The following CNTN4 variants were observed in gnomAD, a reference collection of about 807,000 sequenced individuals.
CNTN4 encodes the protein contactin 4.
A neutral mutation model predicts 122.5 loss-of-function variants in CNTN4; 77 were observed. The observed-to-expected ratio is 0.63, with a 90% CI of 0.52 to 0.76. CNTN4 has a LOEUF of 0.76. Among genes scored for constraint, CNTN4 ranks in the 30% least tolerant of loss-of-function variants. The pLI, the probability that CNTN4 is intolerant of heterozygous loss-of-function variation, is 0.00. For synonymous variants in CNTN4, 512 were observed against 447.0 expected, an observed-to-expected ratio of 1.15 and a Z score of -1.83; for missense variants, 1,256 against 1,259.1, an observed-to-expected ratio of 1.00 and a Z score of 0.04.
chr3:2,469,996 G>A (rs140657757), intron 3 of CNTN4, among the ~76,000 whole-genome samples: 1,701 of 152,012 alleles, frequency 0.011, 41 homozygotes, highest in African/African-American at 0.039. Context: ...GCTAATATAA[G>A]TATATACCAT....
intron 6 of CNTN4, among the ~76,000 whole-genome samples, chr3:2,797,016 A>G (rs756762161): frequency 6.6e-6 from 1 of 152,034 alleles, no homozygotes; most frequent in African/African-American, 2.4e-5. Flanking sequence ...TGTTGTTTTC[A>G]TAGAGATAGA....
chr3:2,312,204 G>T (rs2042940925), intron 2 of CNTN4, among the ~76,000 whole-genome samples: 1 of 152,002 alleles, frequency 6.6e-6, no homozygotes, highest in South Asian at 2.1e-4. Flanking sequence ...CAAACATATT[G>T]CTATGACCAG....
intron 2 of CNTN4, among the ~76,000 whole-genome samples, chr3:2,263,204 T>TA (rs1360828717): frequency 2.6e-5 from 4 of 152,170 alleles, no homozygotes; most frequent in Non-Finnish European, 4.4e-5. Context: ...TCCTATATTT[T>TA]AAAACACTGT....
chr3:2,192,359 G>A (rs2037615684), intron 2 of CNTN4, among the ~76,000 whole-genome samples: 1 of 152,002 alleles, frequency 6.6e-6, no homozygotes, highest in African/African-American at 2.4e-5. Context: ...GTGTAAAAGT[G>A]TTCCTATTTC....
At chr3:2,142,839 TGA>T (rs2125347611) in intron 2 of CNTN4, among the ~76,000 whole-genome samples, 1 of 152,328 alleles carries the variant, frequency 6.6e-6, no homozygotes, top group East Asian at 1.9e-4. Flanking sequence ...TGTGAGATCT[TGA>T]GAGAGAATTA....
chr3:2,420,961 C>T (rs2047593584), intron 3 of CNTN4, among the ~76,000 whole-genome samples: 1 of 152,168 alleles, frequency 6.6e-6, no homozygotes, highest in Non-Finnish European at 1.5e-5. Context: ...GTTCAGGACC[C>T]AGCAGTTGCA....
chr3:2,205,125 T>C (rs1052452365), intron 2 of CNTN4, among the ~76,000 whole-genome samples: 1 of 151,796 alleles, frequency 6.6e-6, no homozygotes, highest in Non-Finnish European at 1.5e-5. Flanking sequence ...ATTTTTGTAT[T>C]GCTTTTTATT....
Position 2,925,888 on chromosome 3 carries a change from A to G in CNTN4, c.1358+109A>G, listed in dbSNP as rs2094468999. 6.6e-6 allele frequency: 6 copies of G among 914,656 alleles called. No homozygotes were observed. In the South Asian group the frequency reaches 8.6e-5, roughly 13 times the overall value. 56.7% of individuals were successfully genotyped at this position (914,656 alleles called of 1,614,324 possible). A position where few individuals can be genotyped will look rare whatever the true frequency, so the allele number is the denominator to read the frequency against. ...GGTGACTATCTGCTGTTCCTGAACTAAGTGTTAAAAAAAGAACAGAAGCTT... is the reference window on the plus strand; with the variant it reads ...GGTGACTATCTGCTGTTCCTGAACTGAGTGTTAAAAAAAGAACAGAAGCTT... On this transcript the variant is annotated intron_variant, in intron 13 of 24. Transcript: ENST00000418658.
Position 2,148,597 on chromosome 3 carries a change from G to T in CNTN4, c.-145+47958G>T, listed in dbSNP as rs372160968. Reference sequence around the variant, plus strand: ...TCTAACTGTAATTTTCTAACTTCTGGTTTTAAATATACACTGTTTCTTGGG... The same window carrying T: ...TCTAACTGTAATTTTCTAACTTCTGTTTTTAAATATACACTGTTTCTTGGG... On this transcript the variant is annotated intron_variant, in intron 2 of 24. Coordinates refer to ENST00000418658, the MANE Select transcript of CNTN4 (RefSeq NM_175607.3). Among the ~76,000 whole-genome samples, 44 of 152,166 alleles carry T rather than the reference G, an allele frequency of 2.9e-4. No individual in the cohort carries two copies. The East Asian group carries it at 3.3e-3, about 11-fold the overall frequency.
At chr3:2,690,630 G>C (rs551856845) in intron 4 of CNTN4, among the ~76,000 whole-genome samples, 102 of 152,206 alleles carry the variant, frequency 6.7e-4, no homozygotes, top group African/African-American at 2.2e-3. Context: ...AAGCTTGTCT[G>C]CCTTACCTCC....
At chr3:2,767,621 T>C (rs972743343) in intron 6 of CNTN4, among the ~76,000 whole-genome samples, 17 of 152,196 alleles carry the variant, frequency 1.1e-4, no homozygotes, top group African/African-American at 4.1e-4. Context: ...GAATACCTCA[T>C]GGTGGAAAAT....
chr3:2,534,433 C>T (rs970233196), intron 3 of CNTN4, among the ~76,000 whole-genome samples: 1 of 152,126 alleles, frequency 6.6e-6, no homozygotes, highest in African/African-American at 2.4e-5. Context: ...GGGCTCTGTT[C>T]TATTCCATTA....
At chr3:2,921,787 C>A (rs1392770787) in intron 12 of CNTN4, among the ~76,000 whole-genome samples, 2 of 152,164 alleles carry the variant, frequency 1.3e-5, no homozygotes, top group African/African-American at 4.8e-5. Flanking sequence ...TATCATTCTA[C>A]TGTTTCTCTT....
At chr3:2,514,528 T>C (rs910486352) in intron 3 of CNTN4, among the ~76,000 whole-genome samples, 1 of 152,002 alleles carries the variant, frequency 6.6e-6, no homozygotes, top group Non-Finnish European at 1.5e-5. Context: ...GTAACTGTAA[T>C]ACTTTTGGAT....
At chr3:2,719,298 CTT>C (rs59683109) in intron 4 of CNTN4, among the ~76,000 whole-genome samples, 8,751 of 141,006 alleles carry the variant, frequency 0.062, 672 homozygotes, top group African/African-American at 0.18. Flanking sequence ...CAAGACTTCA[CTT>C]TTTTTTTTTT....
At chr3:2,420,250 G>T (rs114342651) in intron 3 of CNTN4, among the ~76,000 whole-genome samples, 1 of 152,042 alleles carries the variant, frequency 6.6e-6, no homozygotes, top group Non-Finnish European at 1.5e-5. Flanking sequence ...ATGCACAAGT[G>T]AGCTTCATAT....
chr3:2,714,886 G>A (rs2087392569), intron 4 of CNTN4, among the ~76,000 whole-genome samples: 1 of 152,100 alleles, frequency 6.6e-6, no homozygotes, highest in Admixed American at 6.5e-5. Context: ...ACAGGCATGA[G>A]GCACCACGCT....
At chr3:3,009,520 G>GC in intron 14 of CNTN4, among the ~76,000 whole-genome samples, 1 of 150,596 alleles carries the variant, frequency 6.6e-6, no homozygotes. Flanking sequence ...TGCAAGCTCC[G>GC]CCCCCCGGGT....
At chr3:2,395,810 A>G (rs1234440177) in intron 3 of CNTN4, among the ~76,000 whole-genome samples, 1 of 152,156 alleles carries the variant, frequency 6.6e-6, no homozygotes, top group Non-Finnish European at 1.5e-5. Context: ...CTATAGCAGA[A>G]CTATACCCTT....
Sources: gnomAD v4.1 joint callset for allele counts (sites outside exome capture counted in the v4.1 genomes callset) on GRCh38, gnomAD v4.1.1 for gene constraint, MANE v1.5 for transcripts, NCBI Gene and HGNC (gene_info 2026-07-23, HGNC 2026-07-21) for gene names.